The following TRAPPC9 variants were observed in gnomAD, a reference collection of about 807,000 sequenced individuals.
TRAPPC9 encodes the protein trafficking protein particle complex subunit 9.
In TRAPPC9, 83 loss-of-function variants were observed where a neutral mutation model predicts 124.0. That is an observed-to-expected ratio of 0.67 (90% confidence interval 0.56 to 0.80). TRAPPC9 has a LOEUF of 0.80. Among genes scored for constraint, TRAPPC9 ranks in the 30% least tolerant of loss-of-function variants. The probability of loss-of-function intolerance (pLI) is 0.00; values close to 1 mark genes in which losing one functional copy is unlikely to be tolerated. For missense variants in TRAPPC9, 1,302 were observed against 1,508.3 expected (o/e 0.86, Z 2.27); for synonymous variants, 638 against 617.5 (o/e 1.03, Z -0.49).
At chr8:140,367,019 G>A (rs1588226468) in intron 8 of TRAPPC9, among the ~76,000 whole-genome samples, 3 of 152,200 alleles carry the variant, frequency 2.0e-5, no homozygotes, top group Admixed American at 1.3e-4. Context: ...GTAAAGCAAC[G>A]AGATACCACT....
chr8:139,819,931 C>A (rs1825135864), intron 21 of TRAPPC9, among the ~76,000 whole-genome samples: 1 of 149,882 alleles, frequency 6.7e-6, no homozygotes, highest in South Asian at 2.2e-4. Context: ...GAGAATCACC[C>A]CGGGAGGCAG....
intron 21 of TRAPPC9, among the ~76,000 whole-genome samples, chr8:139,734,980 C>T (rs1818062754): frequency 2.6e-5 from 4 of 152,256 alleles, no homozygotes. Flanking sequence ...GCCACCTGCA[C>T]TGAGTCTGAC....
At chr8:139,955,968 A>G (rs181577197) in intron 19 of TRAPPC9, among the ~76,000 whole-genome samples, 1 of 152,248 alleles carries the variant, frequency 6.6e-6, no homozygotes, top group Admixed American at 6.5e-5. Flanking sequence ...TTGGCCCTCA[A>G]GACTGTGTCT....
chr8:140,431,308 C>G (rs139231417), intron 4 of TRAPPC9, among the ~76,000 whole-genome samples: 1,781 of 151,938 alleles, frequency 0.012, 18 homozygotes, highest in Non-Finnish European at 0.017. Context: ...AATATAAAAA[C>G]TAGCCGGGCG....
intron 17 of TRAPPC9, among the ~76,000 whole-genome samples, chr8:140,129,397 G>C (rs1223459053): frequency 6.6e-6 from 1 of 152,158 alleles, no homozygotes; most frequent in Non-Finnish European, 1.5e-5. Flanking sequence ...CGGGGTCCTA[G>C]AGGTGGAGCC....
chr8:139,799,485 C>T (rs960429368), intron 21 of TRAPPC9, among the ~76,000 whole-genome samples: 1 of 152,204 alleles, frequency 6.6e-6, no homozygotes, highest in Non-Finnish European at 1.5e-5. Context: ...CATGGAGGGG[C>T]CAGCCCTTAC....
chr8:140,321,175 G>A (rs761001907), intron 9 of TRAPPC9, among the ~76,000 whole-genome samples: 10 of 152,242 alleles, frequency 6.6e-5, no homozygotes, highest in Admixed American at 2.6e-4. Flanking sequence ...CACTGCCTGC[G>A]GCAGAGAAGC....
chr8:140,438,575 AG>A (rs1334108096), intron 3 of TRAPPC9, among the ~76,000 whole-genome samples: 1 of 152,218 alleles, frequency 6.6e-6, no homozygotes, highest in Non-Finnish European at 1.5e-5. Flanking sequence ...CAGCAGATAC[AG>A]CAGGGAAGCA....
chr8:139,868,059 A>G (rs181801730), intron 21 of TRAPPC9, among the ~76,000 whole-genome samples: 6 of 152,312 alleles, frequency 3.9e-5, no homozygotes, highest in African/African-American at 1.4e-4. Flanking sequence ...GATCAACCAC[A>G]TATTCTAAAA....
chr8:140,254,532 C>A (rs770001399), intron 15 of TRAPPC9, among the ~76,000 whole-genome samples: 11 of 152,142 alleles, frequency 7.2e-5, no homozygotes, highest in Non-Finnish European at 1.3e-4. Context: ...CTGGCTGTCC[C>A]CACATGGTAG....
chr8:139,763,216 G>A lies in TRAPPC9; in HGVS notation c.3056-31014C>T, dbSNP rs182610458. On this transcript the variant is annotated intron_variant, in intron 21 of 22. Coordinates refer to ENST00000438773, the MANE Select transcript of TRAPPC9 (RefSeq NM_001160372.4). ...CTTTATAGAGGAAAAAGAACAAGGC[G>A]CTGAGAGGGTAAGCCATTTGGTTAA... Among the ~76,000 whole-genome samples, 56 of 152,334 alleles carry A rather than the reference G, an allele frequency of 3.7e-4. 1 individual carries two copies. The highest frequency in any genetic ancestry group is 2.5e-4 in the Non-Finnish European group (17 of 68,026).
At chr8:140,030,194 A>T (rs1352379836) in intron 17 of TRAPPC9, among the ~76,000 whole-genome samples, 8 of 152,228 alleles carry the variant, frequency 5.3e-5, no homozygotes, top group African/African-American at 1.9e-4. Flanking sequence ...ACTTGATGAT[A>T]AGCAATGGAA....
At chr8:139,830,795 C>T (rs929596263) in intron 21 of TRAPPC9, among the ~76,000 whole-genome samples, 2 of 152,218 alleles carry the variant, frequency 1.3e-5, no homozygotes, top group Non-Finnish European at 2.9e-5. Flanking sequence ...CACCAGGGAG[C>T]CCGGAAGCCT....
At chr8:139,906,598 G>A (rs8180960) in intron 20 of TRAPPC9, among the ~76,000 whole-genome samples, 43,569 of 152,088 alleles carry the variant, frequency 0.29, 6,381 homozygotes, top group East Asian at 0.39. Context: ...GGGAAGGAGA[G>A]AGGAAGGGAC....
intron 17 of TRAPPC9, among the ~76,000 whole-genome samples, chr8:140,149,551 C>A (rs1051021220): frequency 6.6e-6 from 1 of 150,558 alleles, no homozygotes; most frequent in South Asian, 2.1e-4. Context: ...GCCCAGGAGG[C>A]GGAGGTAGTG....
chr8:140,139,811 T>C (rs762215139), intron 17 of TRAPPC9, among the ~76,000 whole-genome samples: 6 of 152,010 alleles, frequency 3.9e-5, no homozygotes, highest in Non-Finnish European at 5.9e-5. Flanking sequence ...GCTGCTGATG[T>C]CGCATTTCTC....
intron 9 of TRAPPC9, among the ~76,000 whole-genome samples, chr8:140,354,811 C>T (rs1417456000): frequency 1.3e-5 from 2 of 152,320 alleles, no homozygotes; most frequent in East Asian, 1.9e-4. Context: ...TAGCCCTGCA[C>T]AACCCAGCTG....
chr8:140,388,597 C>T (rs1588264879), intron 7 of TRAPPC9, among the ~76,000 whole-genome samples: 1 of 151,454 alleles, frequency 6.6e-6, no homozygotes, highest in South Asian at 2.1e-4. Flanking sequence ...GCAGAAGAAT[C>T]GCTTGAACCC....
At chr8:139,857,853 C>T (rs896890546) in intron 21 of TRAPPC9, among the ~76,000 whole-genome samples, 2 of 152,256 alleles carry the variant, frequency 1.3e-5, no homozygotes, top group Non-Finnish European at 2.9e-5. Context: ...GACCCTGCTG[C>T]CTTCAGCTGT....
Sources: allele counts gnomAD v4.1 joint callset (sites outside exome capture counted in the v4.1 genomes callset), GRCh38; gene constraint gnomAD v4.1.1; transcripts MANE v1.5; gene names NCBI Gene and HGNC (gene_info 2026-07-23, HGNC 2026-07-21).